The following WARS2 variants were observed in gnomAD, a reference collection of about 807,000 sequenced individuals.
WARS2 encodes the protein tryptophanyl tRNA synthetase 2, mitochondrial.
Under a neutral mutation model 36.5 loss-of-function variants are expected in WARS2, and 28 were observed. The ratio of observed to expected loss-of-function variants is 0.77; its 90% CI spans 0.57 to 1.05. WARS2 has a LOEUF of 1.05. WARS2 is among the 50% of genes least tolerant of loss of function. WARS2 has a pLI of 0.00. For missense variants in WARS2, 435 were observed against 456.8 expected (o/e 0.95, Z 0.44); for synonymous variants, 174 against 178.4 (o/e 0.98, Z 0.20).
At chr1:119,109,562 C>A (rs1169477204) in intron 1 of WARS2, among the ~76,000 whole-genome samples, 1 of 151,870 alleles carries the variant, frequency 6.6e-6, no homozygotes, top group African/African-American at 2.4e-5. Context: ...ATCCCCATCT[C>A]TTTACTTTAA....
intron 5 of WARS2, 107 bp downstream of exon 5, chr1:119,033,988 T>C: frequency 1.1e-6 from 1 of 898,708 alleles, no homozygotes; most frequent in South Asian, 1.6e-5. Context: ...CTGAAGCCTG[T>C]CTACAAGAAA....
At chr1:119,098,818 C>T (rs1182000107) in intron 1 of WARS2, among the ~76,000 whole-genome samples, 1 of 151,962 alleles carries the variant, frequency 6.6e-6, no homozygotes, top group African/African-American at 2.4e-5. Context: ...CTCACTGCAA[C>T]CTCCACCTCC....
intron 1 of WARS2, among the ~76,000 whole-genome samples, chr1:119,087,996 G>C (rs587597378): frequency 6.6e-6 from 1 of 152,280 alleles, no homozygotes; most frequent in Non-Finnish European, 1.5e-5. Context: ...GGAATTCTAA[G>C]AGCGGGGCTT....
At chr1:119,111,669 G>A (rs1398350681) in intron 1 of WARS2, among the ~76,000 whole-genome samples, 1 of 152,112 alleles carries the variant, frequency 6.6e-6, no homozygotes, top group African/African-American at 2.4e-5. Context: ...TTCCCCACAT[G>A]ACTGAGTCCC....
intron 1 of WARS2, among the ~76,000 whole-genome samples, chr1:119,118,204 T>G (rs1470918534): frequency 4.0e-5 from 6 of 151,758 alleles, no homozygotes; most frequent in Non-Finnish European, 8.8e-5. Flanking sequence ...GAGGAAAAAG[T>G]TCCCAGTTAA....
chr1:119,125,289 T>A (rs1655575652), intron 1 of WARS2, among the ~76,000 whole-genome samples: 1 of 152,160 alleles, frequency 6.6e-6, no homozygotes, highest in Admixed American at 6.5e-5. Context: ...AGTCACCTTC[T>A]TGGGGTCCTC....
At chr1:119,089,663 C>A (rs587656583) in intron 1 of WARS2, among the ~76,000 whole-genome samples, 19 of 152,232 alleles carry the variant, frequency 1.2e-4, no homozygotes, top group Admixed American at 2.6e-4. Flanking sequence ...TTTGACCCAA[C>A]CATTCAATGT....
At chr1:119,112,935 T>C (rs1027309419) in intron 1 of WARS2, among the ~76,000 whole-genome samples, 1 of 152,060 alleles carries the variant, frequency 6.6e-6, no homozygotes, top group Non-Finnish European at 1.5e-5. Flanking sequence ...ATTGAGAGTA[T>C]TTGTAAGGCA....
intron 1 of WARS2, among the ~76,000 whole-genome samples, chr1:119,078,542 T>C (rs1281025375): frequency 1.3e-5 from 2 of 152,126 alleles, no homozygotes; most frequent in Non-Finnish European, 1.5e-5. Context: ...GGAAATGAGG[T>C]AGAATCTCAT....
chr1:119,113,985 T>C (rs1654809315), intron 1 of WARS2, among the ~76,000 whole-genome samples: 1 of 152,130 alleles, frequency 6.6e-6, no homozygotes. Flanking sequence ...ACAACAGTAG[T>C]AAATATACAC....
Position 119,128,594 on chromosome 1 carries a change from C to G in WARS2, c.90+11961G>C, listed in dbSNP as rs587765100. 1.8e-4 allele frequency among the ~76,000 whole-genome samples: 26 copies of G among 147,762 alleles called. No homozygotes were observed. In the East Asian group the frequency reaches 4.0e-3, roughly 23 times the overall value. On this transcript the variant is annotated intron_variant, in intron 1 of 5. Transcript: ENST00000235521. ...ACCACCCACCCACTCCCACCCCCACCCTGCGCCCCCCACAATATACATGCT... is the reference window on the plus strand; with the variant it reads ...ACCACCCACCCACTCCCACCCCCACGCTGCGCCCCCCACAATATACATGCT...
At chr1:119,037,469 G>A (rs563815533) in intron 4 of WARS2, among the ~76,000 whole-genome samples, 2 of 152,228 alleles carry the variant, frequency 1.3e-5, no homozygotes, top group East Asian at 3.9e-4. Context: ...TAACCAGCCC[G>A]GCTGGGACAG....
At chr1:119,135,473 C>G (rs1361992884) in intron 1 of WARS2, among the ~76,000 whole-genome samples, 1 of 152,168 alleles carries the variant, frequency 6.6e-6, no homozygotes, top group Admixed American at 6.5e-5. Context: ...ATAGGCAAGA[C>G]TAGGTTTGAA....
rs775389866 is a variant in WARS2, at chr1:119,033,138, A to G, written c.856T>C (p.Ser286Pro). ...CTGCGGCGCACCACTTCCTCCACGG[A>G]GAGCCCCGTCACCGCGGCATGCACC... ...VAVHAAVTGL[S>P]VEEVVRRSAG... The change falls in exon 6 of 6, where the codon TCC becomes CCC. Residue 286 changes from serine (S) to proline (P), a missense_variant. Physicochemically the swap from Ser to Pro is moderately conservative, Grantham distance 74. Coordinates refer to ENST00000235521, the MANE Select transcript of WARS2 (RefSeq NM_015836.4). 6.2e-7 allele frequency: 1 copy of G among 1,614,188 alleles called. No homozygotes were observed. The highest frequency in any genetic ancestry group is 8.5e-7 in the Non-Finnish European group (1 of 1,180,056).
intron 1 of WARS2, among the ~76,000 whole-genome samples, chr1:119,138,378 A>G (rs1004086749): frequency 6.6e-6 from 1 of 152,194 alleles, no homozygotes; most frequent in Admixed American, 6.5e-5. Flanking sequence ...TCAGAATCCT[A>G]AAATATCACA....
At chr1:119,066,119 G>A (rs796682657) in intron 2 of WARS2, among the ~76,000 whole-genome samples, 11 of 151,882 alleles carry the variant, frequency 7.2e-5, no homozygotes, top group African/African-American at 2.7e-4. Context: ...TACTGAATTG[G>A]CTATATTAAA....
chr1:119,103,621 C>T (rs926439660), intron 1 of WARS2, among the ~76,000 whole-genome samples: 6 of 151,406 alleles, frequency 4.0e-5, no homozygotes, highest in African/African-American at 1.5e-4. Flanking sequence ...TCCTCTTCAC[C>T]ATACTAGATT....
chr1:119,045,111 AAAAGT>A (rs574690595), intron 3 of WARS2, among the ~76,000 whole-genome samples: 116 of 152,330 alleles, frequency 7.6e-4, no homozygotes, highest in Middle Eastern at 6.8e-3. Context: ...ACTTCTTACA[AAAAGT>A]ATAGCCCTAA....
In WARS2 at chr1:119,032,921, C is replaced by T. The variant is rs1424921343; in HGVS notation, c.1073G>A (p.Gly358Asp). 6.2e-7 allele frequency: 1 copy of T among 1,610,522 alleles called. No individual in the cohort carries two copies. Among genetic ancestry groups the T allele is most frequent in the South Asian group, 1.1e-5 (1 of 90,818 alleles). The change falls in exon 6 of 6, where the codon GGT becomes GAT. Residue 358 changes from glycine to aspartate, a missense_variant. Coordinates refer to ENST00000235521, the MANE Select transcript of WARS2 (RefSeq NM_015836.4). ...ATTCGTTGAAACTTCCTATAGAAAA[C>T]CCACCAATTTCTTCACCTCCTGGCA... The part of the protein sequence containing the change: ...TVCQEVKKLV[G>D]FL
Sources: allele counts gnomAD v4.1 joint callset (sites outside exome capture counted in the v4.1 genomes callset), GRCh38; gene constraint gnomAD v4.1.1; transcripts MANE v1.5; gene names NCBI Gene and HGNC (gene_info 2026-07-23, HGNC 2026-07-21).